AZIN1: variants seen among roughly 807,000 people sequenced by gnomAD.
AZIN1 encodes the protein antizyme inhibitor 1.
Under a neutral mutation model 47.4 loss-of-function variants are expected in AZIN1, and 12 were observed. The ratio of observed to expected loss-of-function variants is 0.25; its 90% CI spans 0.16 to 0.41. AZIN1 has a LOEUF of 0.41. AZIN1 is among the 10% of genes least tolerant of loss of function. The pLI is 1.00. For synonymous variants in AZIN1, 155 were observed against 176.3 expected (o/e 0.88, Z 0.96); for missense variants, 410 against 532.4 (o/e 0.77, Z 2.26).
chr8:102,843,750 G>A lies in AZIN1; in HGVS notation c.-95-3C>T. 1 of 1,526,900 alleles carries A rather than the reference G, an allele frequency of 6.5e-7. No homozygotes were observed. Among genetic ancestry groups the A allele is most frequent in the Non-Finnish European group, 8.8e-7 (1 of 1,140,970 alleles). 94.6% of individuals were successfully genotyped at this position (1,526,900 alleles called of 1,614,324 possible). ...GGGTCCTTAGAATATGCAACAAACT[G>A]TCAAAATATAAGTTATATAAAAGTC... On this transcript the variant is annotated splice_region_variant and splice_polypyrimidine_tract_variant and intron_variant, in intron 2 of 11. Transcript: ENST00000337198.
chr8:102,837,738 T>C (rs1811911555), intron 5 of AZIN1, among the ~76,000 whole-genome samples: 1 of 152,198 alleles, frequency 6.6e-6, no homozygotes, highest in South Asian at 2.1e-4. Context: ...ATATCTTAAG[T>C]ACACCATTAA....
intron 2 of AZIN1, 134 bp downstream of exon 2, chr8:102,857,879 A>G: frequency 2.5e-6 from 1 of 395,494 alleles, no homozygotes; most frequent in Non-Finnish European, 4.5e-6. Flanking sequence ...TCTTATCTCT[A>G]TTTCAGAAAT....
intron 9 of AZIN1, among the ~76,000 whole-genome samples, chr8:102,831,433 C>T (rs1393296126): frequency 1.3e-5 from 2 of 151,360 alleles, no homozygotes; most frequent in African/African-American, 2.4e-5. Context: ...AGAAACCTGC[C>T]TGACACAACC....
intron 3 of AZIN1, 86 bp downstream of exon 3, chr8:102,843,465 G>T: frequency 2.5e-6 from 3 of 1,199,342 alleles, no homozygotes; most frequent in Non-Finnish European, 3.6e-6. Context: ...AAGTACTTCT[G>T]ATCAGATTAC....
chr8:102,835,730 A>G (rs780818632), intron 6 of AZIN1, among the ~76,000 whole-genome samples: 1 of 152,218 alleles, frequency 6.6e-6, no homozygotes, highest in South Asian at 2.1e-4. Flanking sequence ...TACTTTAGTA[A>G]AAGTAGCAAT....
chr8:102,827,080 T>C lies in AZIN1; in HGVS notation c.*1487A>G, dbSNP rs960224729. ...GAAATCAAGGTGTAAAAACCAGCTA[T>C]TAAGTGCATTCCAAACTTCTCCTAT... is the stretch of plus-strand genomic sequence containing the variant. On this transcript the variant is annotated 3_prime_UTR_variant, in exon 12 of 12. Coordinates refer to ENST00000337198, the MANE Select transcript of AZIN1 (RefSeq NM_148174.4). 6.6e-6 allele frequency: 1 copy of C among 152,660 alleles called. No homozygotes were observed. Among genetic ancestry groups the C allele is most frequent in the Admixed American group, 6.5e-5 (1 of 15,286 alleles). The allele number at this position is 152,660 out of a possible 1,614,324, so 9.5% of individuals were successfully genotyped here.
rs1221485554 is a variant in AZIN1, at chr8:102,828,663, A to T, written c.1251T>A (p.Asp417Glu). ...MSFSDWYEMQDAGITSDSMMK... is the reference protein window; with the variant it reads ...MSFSDWYEMQEAGITSDSMMK... ...TCATTGAGTCTGAAGTAATTCCAGC[A>T]TCTTGCATCTCATACCTACGTAGAA... Residue 417 changes from aspartate to glutamate, a missense_variant, in exon 12 of 12, where the codon GAT (aspartate) becomes GAA (glutamate). Transcript: ENST00000337198. The T allele has an allele frequency of 6.2e-7, 1 of 1,606,198 alleles. No homozygotes were observed.
intron 3 of AZIN1, 138 bp downstream of exon 3, chr8:102,843,413 G>A: frequency 1.5e-6 from 1 of 664,384 alleles, no homozygotes; most frequent in Non-Finnish European, 2.5e-6. Flanking sequence ...GGGAGTGGGT[G>A]TGGGGGAGGA....
At chr8:102,853,958 C>T (rs1478403479) in intron 2 of AZIN1, among the ~76,000 whole-genome samples, 1 of 152,106 alleles carries the variant, frequency 6.6e-6, no homozygotes, top group African/African-American at 2.4e-5. Flanking sequence ...CCTCCCTTTC[C>T]CTTGAGACAG....
rs898620256 is a variant in AZIN1 at position 102,829,764 on chromosome 8, A to G, written c.1020+57T>C. 9 of 1,299,302 alleles carry G rather than the reference A, an allele frequency of 6.9e-6. No individual in the cohort carries two copies. In the African/African-American group the frequency reaches 7.5e-5, roughly 11 times the overall value. The allele number at this position is 1,299,302 out of a possible 1,614,324, so 80.5% of individuals were successfully genotyped here. ...CAAAAAACTGGGAAGCATCTTAAAA[A>G]TAACAGCTCAGCTTATAAAATGCCA... On this transcript the variant is annotated intron_variant, in intron 10 of 11. Coordinates refer to ENST00000337198, the MANE Select transcript of AZIN1 (RefSeq NM_148174.4).
intron 1 of AZIN1, among the ~76,000 whole-genome samples, chr8:102,860,595 CAAGCTGGCCTTGAATTCCT>C (rs1311805235): frequency 6.6e-6 from 1 of 152,058 alleles, no homozygotes; most frequent in African/African-American, 2.4e-5. Context: ...AATAGGAATT[CAAGCTGGCCTTGAATTCCT>C]GAGCTCAAGT....
intron 2 of AZIN1, among the ~76,000 whole-genome samples, chr8:102,851,229 C>G (rs1812897887): frequency 6.6e-6 from 1 of 152,168 alleles, no homozygotes; most frequent in African/African-American, 2.4e-5. Context: ...ATATTAATTT[C>G]AAGTTTTCTA....
rs1029195649 is a variant in AZIN1 at position 102,852,313 on chromosome 8, C to T, written c.-96+5700G>A. 5.9e-5 allele frequency among the ~76,000 whole-genome samples: 9 copies of T among 152,278 alleles called. No homozygotes were observed. The East Asian group carries it at 9.6e-4, about 16-fold the overall frequency. On this transcript the variant is annotated intron_variant, in intron 2 of 11. Coordinates refer to ENST00000337198, the MANE Select transcript of AZIN1 (RefSeq NM_148174.4). ...TCATACTGCCAAGCATGGTGGCTCA[C>T]GCCTGTAATCCCAGCACTTTGGGAG...
intron 3 of AZIN1, among the ~76,000 whole-genome samples, chr8:102,843,209 A>C (rs1159367114): frequency 1.4e-5 from 2 of 146,016 alleles, no homozygotes; most frequent in Non-Finnish European, 3.0e-5. Flanking sequence ...CGTCTCCAAA[A>C]AAAAAAAAAA....
intron 5 of AZIN1, among the ~76,000 whole-genome samples, chr8:102,837,103 G>A (rs929458486): frequency 7.2e-5 from 11 of 151,916 alleles, no homozygotes; most frequent in South Asian, 2.1e-4. Flanking sequence ...TATTTTTAGT[G>A]GAGACAGGGT....
chr8:102,838,926 T>C lies in AZIN1; in HGVS notation c.277-10A>G, dbSNP rs761993454. On this transcript the variant is annotated splice_polypyrimidine_tract_variant and intron_variant, in intron 4 of 11. Transcript: ENST00000337198. ...CTAAAGCCATTTCATTCTGTGAAAA[T>C]GAGGTTAAAGTGAGAATACATAATG... is the stretch of plus-strand genomic sequence containing the variant. 7 of 1,607,794 alleles carry C rather than the reference T, an allele frequency of 4.4e-6. 1 individual carries two copies. In the South Asian group the frequency reaches 7.8e-5, roughly 18 times the overall value.
At chr8:102,840,688 T>C (rs1431393059) in intron 3 of AZIN1, among the ~76,000 whole-genome samples, 3 of 152,196 alleles carry the variant, frequency 2.0e-5, no homozygotes, top group Non-Finnish European at 4.4e-5. Flanking sequence ...AGAACATATA[T>C]TACTCAGTGT....
chr8:102,854,627 T>TTA (rs1554583735), intron 2 of AZIN1: 3 of 109,846 alleles, frequency 2.7e-5, no homozygotes, highest in Non-Finnish European at 4.0e-5. Context: ...TATATATATA[T>TTA]TTTTTTTCCC....
chr8:102,843,185 G>A (rs1812328808), intron 3 of AZIN1, among the ~76,000 whole-genome samples: 4 of 140,684 alleles, frequency 2.8e-5, no homozygotes, highest in Admixed American at 7.5e-5. Context: ...CAGCCTGGGC[G>A]ACAGCGTGAG....
Sources: gnomAD v4.1 joint callset for allele counts (sites outside exome capture counted in the v4.1 genomes callset) on GRCh38, gnomAD v4.1.1 for gene constraint, MANE v1.5 for transcripts, NCBI Gene and HGNC (gene_info 2026-07-23, HGNC 2026-07-21) for gene names.